DIRAS1: variants seen among roughly 807,000 people sequenced by gnomAD.
DIRAS1 encodes GTP-binding protein Di-Ras1.
A neutral mutation model predicts 11.5 loss-of-function variants in DIRAS1; 3 were observed. That is an observed-to-expected ratio of 0.26 (90% CI 0.12 to 0.67). The LOEUF (loss-of-function observed/expected upper bound fraction) is 0.67. Ranked by LOEUF, DIRAS1 falls within the 30% of genes least tolerant of loss-of-function variation. The pLI is 0.80. For synonymous variants in DIRAS1, 128 were observed against 125.8 expected (o/e 1.02, Z -0.12); for missense variants, 212 against 285.3 (o/e 0.74, Z 1.85).
intron 1 of DIRAS1, among the ~76,000 whole-genome samples, 180 bp downstream of exon 1, chr19:2,721,124 C>T (rs922030632): frequency 4.0e-4 from 58 of 144,562 alleles, no homozygotes; most frequent in African/African-American, 1.6e-3. Context: ...CGCGGAGGGG[C>T]CGGCCGGGCC....
Position 2,717,065 on chromosome 19 carries a change from GA to G in DIRAS1, c.*144del, listed in dbSNP as rs1178548174. 42 of 822,312 alleles carry G rather than the reference GA, an allele frequency of 5.1e-5. No homozygotes were observed. The highest frequency in any genetic ancestry group is 2.5e-4 in the East Asian group (9 of 35,804). The allele number at this position is 822,312 out of a possible 1,614,324, so 50.9% of individuals were successfully genotyped here. A position where few individuals can be genotyped will look rare whatever the true frequency, so the allele number is the denominator to read the frequency against. ...TGCCTCGGGGTGGGCAGGGGCAGCG[GA>G]GGGGGGGGCGGTGGCCTCGGTTTCC... On this transcript the variant is annotated 3_prime_UTR_variant, in exon 2 of 2. Coordinates refer to ENST00000323469, the MANE Select transcript of DIRAS1 (RefSeq NM_145173.4).
rs897464420 is a variant in DIRAS1 at position 2,716,311 on chromosome 19, T to C, written c.*899A>G. 3 of 152,404 alleles carry C rather than the reference T, an allele frequency of 2.0e-5. No individual in the cohort carries two copies. The highest frequency in any genetic ancestry group is 4.4e-5 in the Non-Finnish European group (3 of 68,172). 9.4% of individuals were successfully genotyped at this position (152,404 alleles called of 1,614,324 possible). ...GGGCGCCCTCGGATCCTGCTGGTGCTGGCTCCCATCGGCTGTCCCCCCACG... is the reference window on the plus strand; with the variant it reads ...GGGCGCCCTCGGATCCTGCTGGTGCCGGCTCCCATCGGCTGTCCCCCCACG... On this transcript the variant is annotated 3_prime_UTR_variant, in exon 2 of 2. Coordinates refer to ENST00000323469, the MANE Select transcript of DIRAS1 (RefSeq NM_145173.4).
At position 2,717,452 on chromosome 19, in the gene DIRAS1, C is replaced by A; in HGVS notation, c.355G>T (p.Val119Leu). 1 of 1,610,320 alleles carries A rather than the reference C, an allele frequency of 6.2e-7. No homozygotes were observed. Residue 119 changes from valine to leucine, a missense_variant, in exon 2 of 2, where the codon GTG becomes TTG. Physicochemically the swap from Val to Leu is conservative, Grantham distance 32. This residue lies in a region of DIRAS1 where 128 missense variants were observed against 205.3 expected (regional missense o/e 0.62). Transcript: ENST00000323469. ...TGCGTCTCATCGCACTTGTTGCCCA[C>A]GAGCATCACGGGGATGTCCTCCACG... ...GSVEDIPVML[V>L]GNKCDETQRE...
Position 2,718,549 on chromosome 19 carries a change from G to A in DIRAS1, c.-69-674C>T, listed in dbSNP as rs574891613. 6.6e-6 allele frequency among the ~76,000 whole-genome samples: 1 copy of A among 152,310 alleles called. No individual in the cohort carries two copies. Among genetic ancestry groups the A allele is most frequent in the Non-Finnish European group, 1.5e-5 (1 of 68,032 alleles). ...TTATTTATTTATTTATTTTTAGACA[G>A]AGTTTCGCTCTTGCTGCCCAGGCTG... On this transcript the variant is annotated intron_variant, in intron 1 of 1. Coordinates refer to ENST00000323469, the MANE Select transcript of DIRAS1 (RefSeq NM_145173.4). This position sits in a 1 kb window ranked among gnomAD's most constrained non-coding sequence, Gnocchi z 4.2.
chr19:2,720,145 G>C (rs79513414), intron 1 of DIRAS1, among the ~76,000 whole-genome samples: 1 of 152,100 alleles, frequency 6.6e-6, no homozygotes, highest in Non-Finnish European at 1.5e-5. Flanking sequence ...GTGGTGGGGG[G>C]GAGGCGGCCT....
At position 2,717,813 on chromosome 19, in the gene DIRAS1, C is replaced by G; in HGVS notation, c.-7G>C. On this transcript the variant is annotated 5_prime_UTR_variant, in exon 2 of 2. Transcript: ENST00000323469. ...CGTTACTCTGTTCCGGCATCTTCCCCGCGGCGGGTGGGCGGCCGGGGCCGG... is the reference window on the plus strand; with the variant it reads ...CGTTACTCTGTTCCGGCATCTTCCCGGCGGCGGGTGGGCGGCCGGGGCCGG... 1 of 1,586,402 alleles carries G rather than the reference C, an allele frequency of 6.3e-7. No homozygotes were observed.
At position 2,720,568 on chromosome 19, in the gene DIRAS1, C is replaced by T. The variant is rs544024487; in HGVS notation, c.-70+736G>A. ...AGACTCCTGGGGTTTCCCGCCTGTG[C>T]GGGGCAGCCCACCCCCAGACGTCCA... On this transcript the variant is annotated intron_variant, in intron 1 of 1. Transcript: ENST00000323469. 9.6e-4 allele frequency among the ~76,000 whole-genome samples: 142 copies of T among 148,324 alleles called. 1 individual carries two copies. Among genetic ancestry groups the T allele is most frequent in the African/African-American group, 3.3e-3 (136 of 40,744 alleles).
Position 2,717,125 on chromosome 19 carries a change from A to T in DIRAS1, c.*85T>A. 2.3e-6 allele frequency: 3 copies of T among 1,297,912 alleles called. No homozygotes were observed. The highest frequency in any genetic ancestry group is 3.1e-6 in the Non-Finnish European group (3 of 975,890). 80.4% of individuals were successfully genotyped at this position (1,297,912 alleles called of 1,614,324 possible). ...GGTGTCGGAGGAAGGATGAGAGAAG[A>T]GGAGGAGGCCGAGGAGGGTGTCGGT... On this transcript the variant is annotated 3_prime_UTR_variant, in exon 2 of 2. Coordinates refer to ENST00000323469, the MANE Select transcript of DIRAS1 (RefSeq NM_145173.4).
Position 2,718,542 on chromosome 19 carries a change from T to G in DIRAS1, c.-69-667A>C, listed in dbSNP as rs1268329693. 1.3e-5 allele frequency among the ~76,000 whole-genome samples: 2 copies of G among 152,232 alleles called. No individual in the cohort carries two copies. The highest frequency in any genetic ancestry group is 2.9e-5 in the Non-Finnish European group (2 of 68,042). On this transcript the variant is annotated intron_variant, in intron 1 of 1. Coordinates refer to ENST00000323469, the MANE Select transcript of DIRAS1 (RefSeq NM_145173.4). This position sits in a 1 kb window ranked among gnomAD's most constrained non-coding sequence, Gnocchi z 4.2. ...ATTCTTCTTATTTATTTATTTATTT[T>G]TAGACAGAGTTTCGCTCTTGCTGCC... is the stretch of plus-strand genomic sequence containing the variant.
intron 1 of DIRAS1, among the ~76,000 whole-genome samples, chr19:2,720,801 T>A (rs1913935662): frequency 6.6e-6 from 1 of 151,618 alleles, no homozygotes; most frequent in South Asian, 2.1e-4. Context: ...AGGGGTTTGA[T>A]GGAGAAAGGG....
At position 2,718,150 on chromosome 19, in the gene DIRAS1, G is replaced by C. The variant is rs900040500; in HGVS notation, c.-69-275C>G. 1.3e-5 allele frequency among the ~76,000 whole-genome samples: 2 copies of C among 152,244 alleles called. No homozygotes were observed. Among genetic ancestry groups the C allele is most frequent in the South Asian group, 4.1e-4 (2 of 4,836 alleles). On this transcript the variant is annotated intron_variant, in intron 1 of 1. Transcript: ENST00000323469. This position sits in a 1 kb window ranked among gnomAD's most constrained non-coding sequence, Gnocchi z 4.2. ...GCTAGGAGAGGCGTGGGAGACGCCG[G>C]GATGCCCACGAAACTCCTTCCCCGG...
In DIRAS1 at chr19:2,717,507, G is replaced by A; in HGVS notation, c.300C>T (p.Ile100=). The A allele has an allele frequency of 6.2e-7, 1 of 1,612,932 alleles. No individual in the cohort carries two copies. The highest frequency in any genetic ancestry group is 8.5e-7 in the Non-Finnish European group (1 of 1,179,972). Residue 100 remains isoleucine, a synonymous_variant, in exon 2 of 2, where the codon ATC becomes ATT. Coordinates refer to ENST00000323469, the MANE Select transcript of DIRAS1 (RefSeq NM_145173.4). ...CCTTGATCTGCACGATGAGCTTGTA[G>A]ATGGGCCCCAGCTCCTCCAGCGACT... is the stretch of plus-strand genomic sequence containing the variant. ...SKQSLEELGP[I]YKLIVQIKGS...
chr19:2,715,336 T>A lies in DIRAS1; in HGVS notation c.*1874A>T, dbSNP rs566160915. 15 of 152,032 alleles carry A rather than the reference T, an allele frequency of 9.9e-5. No homozygotes were observed. Among genetic ancestry groups the A allele is most frequent in the African/African-American group, 3.1e-4 (13 of 41,422 alleles). 9.4% of individuals were successfully genotyped at this position (152,032 alleles called of 1,614,324 possible). A position where few individuals can be genotyped will look rare whatever the true frequency, so the allele number is the denominator to read the frequency against. ...CCTCACACCCAATAAGACCAAAACC[T>A]CCATCTCACCTTCCCTCACTAACTT... is the stretch of plus-strand genomic sequence containing the variant. On this transcript the variant is annotated 3_prime_UTR_variant, in exon 2 of 2. Transcript: ENST00000323469.
intron 1 of DIRAS1, among the ~76,000 whole-genome samples, chr19:2,720,140 G>C (rs536824348): frequency 6.6e-5 from 10 of 152,210 alleles, no homozygotes; most frequent in Non-Finnish European, 1.0e-4. Context: ...TGCTGGTGGT[G>C]GGGGGGAGGC....
At position 2,718,996 on chromosome 19, in the gene DIRAS1, T is replaced by A. The variant is rs1913892632; in HGVS notation, c.-69-1121A>T. Among the ~76,000 whole-genome samples the A allele has an allele frequency of 6.6e-6, 1 of 151,918 alleles. No homozygotes were observed. ...CCACCACACCCGGCTAATTTTTGTA[T>A]TTTCAGTAGAGACGGGGTTTCGCCA... On this transcript the variant is annotated intron_variant, in intron 1 of 1. Coordinates refer to ENST00000323469, the MANE Select transcript of DIRAS1 (RefSeq NM_145173.4). This position sits in a 1 kb window ranked among gnomAD's most constrained non-coding sequence, Gnocchi z 4.2.
Position 2,715,508 on chromosome 19 carries a change from A to T in DIRAS1, c.*1702T>A, listed in dbSNP as rs1408125341. On this transcript the variant is annotated 3_prime_UTR_variant, in exon 2 of 2. Coordinates refer to ENST00000323469, the MANE Select transcript of DIRAS1 (RefSeq NM_145173.4). Reference sequence around the variant, plus strand: ...GCTGCAACAACCACATGAGCTTCTAAGAAGCAAATCCTTCCCCGATCAGGC... The same window carrying T: ...GCTGCAACAACCACATGAGCTTCTATGAAGCAAATCCTTCCCCGATCAGGC... 6.6e-6 allele frequency: 1 copy of T among 152,230 alleles called. No homozygotes were observed. The highest frequency in any genetic ancestry group is 1.5e-5 in the Non-Finnish European group (1 of 68,044). 9.4% of individuals were successfully genotyped at this position (152,230 alleles called of 1,614,324 possible). A position where few individuals can be genotyped will look rare whatever the true frequency, so the allele number is the denominator to read the frequency against.
chr19:2,720,916 G>A (rs1913937514), intron 1 of DIRAS1, among the ~76,000 whole-genome samples: 1 of 152,006 alleles, frequency 6.6e-6, no homozygotes, highest in African/African-American at 2.4e-5. Flanking sequence ...AGCCCACCCC[G>A]GGGAGGGGGC....
rs369470531 is a variant in DIRAS1, at chr19:2,718,597, C to T, written c.-69-722G>A. Reference sequence around the variant, plus strand: ...CTGGAGTGCAATGGCACAATCTTGGCTCGCCGCAACCTCCACCTCCCGGGT... The same window carrying T: ...CTGGAGTGCAATGGCACAATCTTGGTTCGCCGCAACCTCCACCTCCCGGGT... On this transcript the variant is annotated intron_variant, in intron 1 of 1. Transcript: ENST00000323469. This position sits in a 1 kb window ranked among gnomAD's most constrained non-coding sequence, Gnocchi z 4.2. Among the ~76,000 whole-genome samples the T allele has an allele frequency of 6.6e-6, 1 of 152,196 alleles. No homozygotes were observed.
Position 2,717,455 on chromosome 19 carries a change from G to A in DIRAS1, c.352C>T (p.Leu118Phe). The A allele has an allele frequency of 6.2e-7, 1 of 1,610,508 alleles. No homozygotes were observed. Among genetic ancestry groups the A allele is most frequent in the Non-Finnish European group, 8.5e-7 (1 of 1,179,988 alleles). The change falls in exon 2 of 2, where the codon CTC becomes TTC. Residue 118 changes from leucine to phenylalanine, a missense_variant. Leu to Phe is a conservative substitution (Grantham distance 22). Transcript: ENST00000323469. ...GTCTCATCGCACTTGTTGCCCACGA[G>A]CATCACGGGGATGTCCTCCACGCTG... Reference protein sequence around the residue: ...KGSVEDIPVMLVGNKCDETQR... With the variant: ...KGSVEDIPVMFVGNKCDETQR...
Sources: allele counts gnomAD v4.1 joint callset (sites outside exome capture counted in the v4.1 genomes callset), GRCh38; gene constraint gnomAD v4.1.1; regional missense constraint gnomAD v4.1.1; non-coding constraint Gnocchi (gnomAD v3.1); transcripts MANE v1.5; gene names NCBI Gene and HGNC (gene_info 2026-07-23, HGNC 2026-07-21).